NPAS3: variants seen among roughly 807,000 people sequenced by gnomAD.
NPAS3 encodes neuronal PAS domain-containing protein 3.
A neutral mutation model predicts 73.1 loss-of-function variants in NPAS3; 14 were observed. That is an observed-to-expected ratio of 0.19 (90% CI 0.13 to 0.30). The LOEUF (loss-of-function observed/expected upper bound fraction) is 0.30. NPAS3 is among the 10% of genes least tolerant of loss of function. The pLI is 1.00. For missense variants in NPAS3, 1,096 were observed against 1,250.0 expected (o/e 0.88, Z 1.86); for synonymous variants, 620 against 541.5 (o/e 1.14, Z -2.01).
intron 2 of NPAS3, among the ~76,000 whole-genome samples, chr14:33,107,784 A>G (rs759632044): frequency 3.9e-5 from 6 of 152,146 alleles, no homozygotes; most frequent in Non-Finnish European, 4.4e-5. Context: ...TTCCCATTTT[A>G]TTCTCTAATT....
At chr14:33,698,724 C>T (rs1465974174) in intron 6 of NPAS3, among the ~76,000 whole-genome samples, 1 of 152,110 alleles carries the variant, frequency 6.6e-6, no homozygotes, top group East Asian at 1.9e-4. Flanking sequence ...AGCAGAATTC[C>T]CTATTTAAAA....
At chr14:33,634,014 A>T (rs1415070193) in intron 5 of NPAS3, among the ~76,000 whole-genome samples, 1 of 152,158 alleles carries the variant, frequency 6.6e-6, no homozygotes, top group African/African-American at 2.4e-5. Context: ...TTTGTGGCAC[A>T]TGACTGCTGT....
chr14:33,067,826 C>A (rs1441986125), intron 2 of NPAS3, among the ~76,000 whole-genome samples: 2 of 152,222 alleles, frequency 1.3e-5, no homozygotes, highest in Admixed American at 6.5e-5. Context: ...CCAGAAAGAT[C>A]CTCTCCTACC....
At chr14:33,218,372 G>A (rs1158779339) in intron 3 of NPAS3, among the ~76,000 whole-genome samples, 4 of 152,112 alleles carry the variant, frequency 2.6e-5, no homozygotes, top group Admixed American at 6.6e-5. Context: ...TGGTTCTACT[G>A]TAAAATATAT....
At chr14:33,603,383 T>A (rs935199550) in intron 5 of NPAS3, among the ~76,000 whole-genome samples, 1 of 152,098 alleles carries the variant, frequency 6.6e-6, no homozygotes, top group Non-Finnish European at 1.5e-5. Flanking sequence ...TCCGTGTAAG[T>A]CCCTAAAGGA....
intron 4 of NPAS3, among the ~76,000 whole-genome samples, chr14:33,490,831 A>G (rs2051857543): frequency 6.6e-6 from 1 of 152,178 alleles, no homozygotes; most frequent in Non-Finnish European, 1.5e-5. Flanking sequence ...CTCCTCTCCT[A>G]GAGAGCCTCA....
intron 3 of NPAS3, among the ~76,000 whole-genome samples, chr14:33,328,980 T>G (rs938652196): frequency 6.6e-6 from 1 of 152,208 alleles, no homozygotes; most frequent in Non-Finnish European, 1.5e-5. Context: ...AGTAGCATAT[T>G]ATTTAAGTTC....
chr14:33,573,904 G>A (rs1312399378), intron 5 of NPAS3, among the ~76,000 whole-genome samples: 1 of 152,168 alleles, frequency 6.6e-6, no homozygotes, highest in Non-Finnish European at 1.5e-5. Context: ...TAAAAGAAGG[G>A]GATGGACTCG....
At chr14:33,572,947 C>T (rs997266749) in intron 5 of NPAS3, among the ~76,000 whole-genome samples, 13 of 145,054 alleles carry the variant, frequency 9.0e-5, no homozygotes, top group Admixed American at 4.9e-4. Flanking sequence ...CGCTTAACCC[C>T]GGGAAGCGGA....
chr14:33,636,898 AGT>A (rs895296365), intron 5 of NPAS3, among the ~76,000 whole-genome samples: 8 of 127,708 alleles, frequency 6.3e-5, no homozygotes, highest in African/African-American at 3.2e-4. Context: ...GGACACTCGG[AGT>A]GTGCACACAC....
At chr14:33,533,526 A>G (rs1245253344) in intron 4 of NPAS3, among the ~76,000 whole-genome samples, 2 of 152,204 alleles carry the variant, frequency 1.3e-5, no homozygotes, top group African/African-American at 2.4e-5. Flanking sequence ...ATGAGAATGC[A>G]TAGTTCTGAT....
intron 2 of NPAS3, among the ~76,000 whole-genome samples, chr14:33,131,675 G>GTGCATGTT (rs2043640427): frequency 6.6e-6 from 1 of 152,078 alleles, no homozygotes; most frequent in Non-Finnish European, 1.5e-5. Flanking sequence ...GCTCGTATGT[G>GTGCATGTT]TGCATGTTTG....
chr14:33,621,758 G>A (rs185945908), intron 5 of NPAS3, among the ~76,000 whole-genome samples: 1 of 152,146 alleles, frequency 6.6e-6, no homozygotes, highest in East Asian at 1.9e-4. Context: ...ACTACAAGGG[G>A]TAAAAAAATG....
At chr14:33,720,742 G>T (rs1037612634) in intron 6 of NPAS3, among the ~76,000 whole-genome samples, 2 of 152,108 alleles carry the variant, frequency 1.3e-5, no homozygotes, top group African/African-American at 4.8e-5. Flanking sequence ...TTGCTCCAAG[G>T]GCTCATTGGG....
chr14:32,943,245 T>C (rs2036103158), intron 1 of NPAS3, among the ~76,000 whole-genome samples: 1 of 152,312 alleles, frequency 6.6e-6, no homozygotes, highest in Non-Finnish European at 1.5e-5. Context: ...GGTTTCTGTG[T>C]CTTTATATAG....
At chr14:33,725,425 G>T (rs1279083036) in intron 6 of NPAS3, among the ~76,000 whole-genome samples, 2 of 151,828 alleles carry the variant, frequency 1.3e-5, no homozygotes, top group Admixed American at 1.3e-4. Flanking sequence ...GACACATTGG[G>T]GTTACTAGTG....
Position 33,800,637 on chromosome 14 carries a change from G to A in NPAS3, c.2330G>A (p.Gly777Asp). The A allele has an allele frequency of 7.0e-7, 1 of 1,433,500 alleles. No individual in the cohort carries two copies. Among genetic ancestry groups the A allele is most frequent in the Non-Finnish European group, 9.1e-7 (1 of 1,103,188 alleles). 88.8% of individuals were successfully genotyped at this position (1,433,500 alleles called of 1,614,324 possible). Residue 777 changes from glycine (G) to aspartate (D), a missense_variant, in exon 12 of 12, where the codon GGC (glycine) becomes GAC (aspartate). Physicochemically the swap from Gly to Asp is moderately conservative, Grantham distance 94 (BLOSUM62 -1). Transcript: ENST00000356141. The surrounding 1 kb of genome is among the most constrained non-coding windows in gnomAD (Gnocchi z 6.5). ...GGGGGCGGCGGCGCGGGGGGCGGCG[G>A]CCCCAGCGCGTCCAACTCCTTGCTG...
chr14:32,939,786 A>C, intron 1 of NPAS3, among the ~76,000 whole-genome samples: 1 of 145,540 alleles, frequency 6.9e-6, no homozygotes, highest in African/African-American at 2.5e-5. Context: ...GAGGAAGGGA[A>C]TGAGGCTGGG....
At position 33,520,039 on chromosome 14, in the gene NPAS3, T is replaced by C. The variant is rs572101786; in HGVS notation, c.469-40082T>C. ...CCATCATCTATCCTCCTGGCATCTT[T>C]CCCCTGCTTCTGGTTTAATTAGTTG... On this transcript the variant is annotated intron_variant, in intron 4 of 11. Coordinates refer to ENST00000356141, the Ensembl canonical transcript of NPAS3. 5.3e-5 allele frequency among the ~76,000 whole-genome samples: 8 copies of C among 152,176 alleles called. No homozygotes were observed. The East Asian group carries it at 1.6e-3, about 30-fold the overall frequency.
Sources: gnomAD v4.1 joint callset for allele counts (sites outside exome capture counted in the v4.1 genomes callset) on GRCh38, gnomAD v4.1.1 for gene constraint, Gnocchi (gnomAD v3.1) non-coding constraint, MANE v1.5 for transcripts, NCBI Gene and HGNC (gene_info 2026-07-23, HGNC 2026-07-21) for gene names.